The following IQGAP1 variants were observed in gnomAD, a reference collection of about 807,000 sequenced individuals.
IQGAP1 encodes IQ motif containing GTPase activating protein 1.
In IQGAP1, 66 loss-of-function variants were observed where a neutral mutation model predicts 215.6. The observed-to-expected ratio is 0.31, with a 90% CI of 0.25 to 0.38. IQGAP1 has a LOEUF of 0.38. IQGAP1 is among the 10% of genes least tolerant of loss of function. IQGAP1 has a pLI of 1.00. For missense variants in IQGAP1, 1,712 were observed against 1,997.1 expected (o/e 0.86, Z 2.72); for synonymous variants, 772 against 728.7 (o/e 1.06, Z -0.96).
At chr15:90,473,575 C>G in intron 19 of IQGAP1, 140 bp from the exon 20 acceptor site, 2 of 629,658 alleles carry the variant, frequency 3.2e-6, no homozygotes, top group Non-Finnish European at 5.7e-6. Flanking sequence ...CCCTTGTTCC[C>G]CTGTCACTGC....
At chr15:90,455,579 G>A (rs532702511) in intron 14 of IQGAP1, among the ~76,000 whole-genome samples, 1 of 152,268 alleles carries the variant, frequency 6.6e-6, no homozygotes, top group East Asian at 1.9e-4. Flanking sequence ...AGATACCTGG[G>A]GAGTGAACGT....
At chr15:90,423,030 G>T (rs1343882673) in intron 2 of IQGAP1, among the ~76,000 whole-genome samples, 1 of 151,818 alleles carries the variant, frequency 6.6e-6, no homozygotes, top group Non-Finnish European at 1.5e-5. Flanking sequence ...AACAAACAAA[G>T]GGATTTTCCC....
chr15:90,482,080 C>T lies in IQGAP1; in HGVS notation c.3450C>T (p.Val1150=). The T allele has an allele frequency of 6.2e-7, 1 of 1,614,242 alleles. No homozygotes were observed. Among genetic ancestry groups the T allele is most frequent in the South Asian group, 1.1e-5 (1 of 91,084 alleles). The change falls in exon 27 of 38, where the codon GTC becomes GTT. Residue 1150 remains valine (V), a synonymous_variant. Coordinates refer to ENST00000268182, the MANE Select transcript of IQGAP1 (RefSeq NM_003870.4). The part of the protein sequence containing the change: ...AVTDKFLSAI[V]SSVDKIPYGM... ...CAGACAAGTTTCTCTCAGCCATTGT[C>T]AGCTCTGTGGACAAAATCCCGTGAG... is the stretch of plus-strand genomic sequence containing the variant.
At chr15:90,455,965 A>C (rs959912119) in intron 14 of IQGAP1, among the ~76,000 whole-genome samples, 187 bp from the exon 15 acceptor site, 3 of 152,236 alleles carry the variant, frequency 2.0e-5, no homozygotes, top group Non-Finnish European at 4.4e-5. Flanking sequence ...ATATGAATAC[A>C]AGTGAGTTTA....
intron 35 of IQGAP1, 138 bp downstream of exon 35, chr15:90,492,849 AATC>A: frequency 1.5e-6 from 1 of 683,450 alleles, no homozygotes; most frequent in South Asian, 2.0e-5. Flanking sequence ...TTTTACCTCT[AATC>A]ATTTGTGTAA....
At chr15:90,416,910 C>T (rs1596256284) in intron 2 of IQGAP1, among the ~76,000 whole-genome samples, 1 of 152,084 alleles carries the variant, frequency 6.6e-6, no homozygotes, top group Admixed American at 6.6e-5. Context: ...ACTATTCTAA[C>T]TGGTGTGAGA....
At chr15:90,433,600 A>G (rs948954078) in intron 4 of IQGAP1, 119 bp from the exon 5 acceptor site, 5 of 497,356 alleles carry the variant, frequency 1.0e-5, no homozygotes, top group African/African-American at 9.8e-5. Flanking sequence ...GATGTTTTCT[A>G]AGAATGCCAC....
chr15:90,424,288 G>T (rs1312021672), intron 2 of IQGAP1, among the ~76,000 whole-genome samples: 2 of 152,086 alleles, frequency 1.3e-5, no homozygotes, highest in Non-Finnish European at 2.9e-5. Context: ...GCTGAATAGA[G>T]GTATAGTTTA....
At chr15:90,397,788 T>A (rs2151001986) in intron 2 of IQGAP1, 1 of 152,180 alleles carries the variant, frequency 6.6e-6, no homozygotes, top group East Asian at 1.9e-4. Flanking sequence ...AGTGCTGGGA[T>A]TACAGGCGTG....
At chr15:90,458,031 C>T (rs1183953038) in intron 15 of IQGAP1, among the ~76,000 whole-genome samples, 5 of 152,158 alleles carry the variant, frequency 3.3e-5, no homozygotes, top group African/African-American at 7.2e-5. Flanking sequence ...CATTAGTAGT[C>T]ACTCATTTTC....
intron 4 of IQGAP1, among the ~76,000 whole-genome samples, chr15:90,431,899 A>G (rs1386318238): frequency 6.6e-6 from 1 of 152,124 alleles, no homozygotes; most frequent in Non-Finnish European, 1.5e-5. Context: ...ACTCTTTATT[A>G]TAATTGGTAC....
intron 23 of IQGAP1, among the ~76,000 whole-genome samples, chr15:90,476,030 G>A (rs1965975258): frequency 6.6e-6 from 1 of 151,798 alleles, no homozygotes; most frequent in Non-Finnish European, 1.5e-5. Context: ...CGACCTCCTA[G>A]GCTCAAGTGA....
At chr15:90,436,285 T>C (rs1965369851) in intron 5 of IQGAP1, among the ~76,000 whole-genome samples, 1 of 152,136 alleles carries the variant, frequency 6.6e-6, no homozygotes, top group Non-Finnish European at 1.5e-5. Flanking sequence ...ATGGATTGGA[T>C]TGAGGATGCT....
At chr15:90,475,710 A>G (rs1965969820) in intron 23 of IQGAP1, 1 of 148,606 alleles carries the variant, frequency 6.7e-6, no homozygotes, top group African/African-American at 2.5e-5. Flanking sequence ...CCAAGATTGC[A>G]TGACTGCACT....
chr15:90,494,858 A>G, intron 36 of IQGAP1, 23 bp downstream of exon 36: 1 of 1,567,418 alleles, frequency 6.4e-7, no homozygotes, highest in Non-Finnish European at 8.7e-7. Context: ...TTTTTGTTTT[A>G]TAAGTTGATT....
intron 7 of IQGAP1, 136 bp from the exon 8 acceptor site, chr15:90,441,370 C>T: frequency 1.4e-6 from 1 of 728,704 alleles, no homozygotes; most frequent in Non-Finnish European, 2.2e-6. Flanking sequence ...CTTCGAACCC[C>T]AGTTGTTATT....
chr15:90,444,275 GTGTGTATA>G lies in IQGAP1; in HGVS notation c.913+799_913+806del, dbSNP rs1285060912. Reference sequence around the variant, plus strand: ...TGTGTGTGTGTGTGTGTGTGTGTGTGTGTGTATATATATATTTTTTTTTTTCTTTAAGA... The same window carrying G: ...TGTGTGTGTGTGTGTGTGTGTGTGTGTATATATTTTTTTTTTTCTTTAAGA... On this transcript the variant is annotated intron_variant, in intron 9 of 37. Coordinates refer to ENST00000268182, the MANE Select transcript of IQGAP1 (RefSeq NM_003870.4). Among the ~76,000 whole-genome samples the G allele has an allele frequency of 7.8e-3, 901 of 115,500 alleles. 20 individuals are homozygous for G. The highest frequency in any genetic ancestry group is 0.037 in the African/African-American group (843 of 23,016). 75.8% of individuals were successfully genotyped at this position (115,500 alleles called of 152,430 possible).
chr15:90,463,109 G>C (rs1175280904), intron 15 of IQGAP1, among the ~76,000 whole-genome samples: 1 of 152,120 alleles, frequency 6.6e-6, no homozygotes, highest in African/African-American at 2.4e-5. Flanking sequence ...CTGGTGAGGG[G>C]CTTTTCTGTA....
intron 26 of IQGAP1, among the ~76,000 whole-genome samples, chr15:90,480,358 C>T (rs1966040982): frequency 6.6e-6 from 1 of 152,238 alleles, no homozygotes; most frequent in Admixed American, 6.5e-5. Context: ...TTTACTTCAG[C>T]CACCATACAC....
Sources: gnomAD v4.1 joint callset for allele counts (sites outside exome capture counted in the v4.1 genomes callset) on GRCh38, gnomAD v4.1.1 for gene constraint, MANE v1.5 for transcripts, NCBI Gene and HGNC (gene_info 2026-07-23, HGNC 2026-07-21) for gene names.